The following ACYP2 variants were observed in gnomAD, a reference collection of about 807,000 sequenced individuals.
ACYP2 encodes acylphosphatase-2.
In ACYP2, 12 loss-of-function variants were observed where a neutral mutation model predicts 11.2. The ratio of observed to expected loss-of-function variants is 1.08; its 90% confidence interval spans 0.69 to 1.74. The LOEUF (loss-of-function observed/expected upper bound fraction) is 1.74. ACYP2 is among the 40% of genes most tolerant of loss of function. The pLI, the probability that ACYP2 is intolerant of heterozygous loss-of-function variation, is 0.00. For missense variants in ACYP2, 134 were observed against 101.9 expected, an observed-to-expected ratio of 1.31 and a Z score of -1.35; for synonymous variants, 43 against 32.2, an observed-to-expected ratio of 1.33 and a Z score of -1.13.
intron 6 of ACYP2, among the ~76,000 whole-genome samples, chr2:54,183,528 T>C (rs1430214620): frequency 2.7e-5 from 4 of 150,794 alleles, no homozygotes; most frequent in African/African-American, 9.8e-5. Context: ...CGAGACCCGG[T>C]CTCAAAAAAA....
intron 4 of ACYP2, among the ~76,000 whole-genome samples, chr2:54,090,740 C>T (rs1477967227): frequency 1.3e-5 from 2 of 152,196 alleles, no homozygotes. Flanking sequence ...TTTCTCTTTG[C>T]CTTTTGCCCT....
At chr2:54,104,274 G>T (rs1679044172) in intron 4 of ACYP2, among the ~76,000 whole-genome samples, 1 of 152,188 alleles carries the variant, frequency 6.6e-6, no homozygotes, top group East Asian at 1.9e-4. Context: ...GATAGGATGA[G>T]AAAAGAAAGT....
rs1377737721 is a variant in ACYP2, at chr2:54,076,253, CG to C, written c.277+18898del. On this transcript the variant is annotated intron_variant, in intron 4 of 6. Transcript: ENST00000607452. Reference sequence around the variant, plus strand: ...AAAGGTACTGGGCTTGAGAAAATGGCGGGGGAAGTCCAAAGAGAACTTCAAA... The same window carrying C: ...AAAGGTACTGGGCTTGAGAAAATGGCGGGGAAGTCCAAAGAGAACTTCAAA... Among the ~76,000 whole-genome samples the C allele has an allele frequency of 5.9e-5, 9 of 152,196 alleles. No individual in the cohort carries two copies. The South Asian group carries it at 1.5e-3, about 25-fold the overall frequency.
chr2:53,987,861 T>A lies in ACYP2; in HGVS notation c.62+14051T>A, dbSNP rs538335742. On this transcript the variant is annotated intron_variant, in intron 2 of 6. Transcript: ENST00000607452. The stretch of plus-strand genomic sequence containing the variant: ...TGGGTTTTTTTGTTTGTTTTTTGGT[T>A]TTTGGATTGCTTGGTTTTTAACTGT... 2.0e-5 allele frequency among the ~76,000 whole-genome samples: 3 copies of A among 152,268 alleles called. No homozygotes were observed. In the South Asian group the frequency reaches 6.2e-4, roughly 32 times the overall value.
At chr2:54,147,509 T>G (rs193007306) in intron 6 of ACYP2, among the ~76,000 whole-genome samples, 4 of 152,062 alleles carry the variant, frequency 2.6e-5, no homozygotes, top group Non-Finnish European at 1.5e-5. Context: ...TAGTTACTCC[T>G]TCTCCACTTG....
chr2:54,089,729 G>A (rs1046776767), intron 4 of ACYP2, among the ~76,000 whole-genome samples: 1 of 150,184 alleles, frequency 6.7e-6, no homozygotes, highest in Non-Finnish European at 1.5e-5. Context: ...AACAGAGTGA[G>A]ACGCGGTCCC....
intron 6 of ACYP2, among the ~76,000 whole-genome samples, chr2:54,220,908 A>T (rs1685772427): frequency 6.6e-6 from 1 of 152,244 alleles, no homozygotes; most frequent in Non-Finnish European, 1.5e-5. Context: ...TCTCCTAATC[A>T]GTTAAAATTT....
At chr2:54,262,921 G>A (rs929079608) in intron 6 of ACYP2, among the ~76,000 whole-genome samples, 1 of 152,106 alleles carries the variant, frequency 6.6e-6, no homozygotes, top group African/African-American at 2.4e-5. Context: ...ATTTATGTAT[G>A]TGATAGAAGG....
chr2:54,133,132 C>A (rs2103770495), intron 4 of ACYP2, among the ~76,000 whole-genome samples: 1 of 152,274 alleles, frequency 6.6e-6, no homozygotes, highest in African/African-American at 2.4e-5. Flanking sequence ...GTTCTTCACC[C>A]CCCATTGTAG....
chr2:54,166,316 G>A (rs1022480115), intron 6 of ACYP2, among the ~76,000 whole-genome samples: 1 of 152,194 alleles, frequency 6.6e-6, no homozygotes, highest in Non-Finnish European at 1.5e-5. Context: ...GTCAGGCAGA[G>A]TGTTGGGAAC....
intron 6 of ACYP2, chr2:54,254,245 T>A (rs186455695): frequency 1.8e-4 from 27 of 152,396 alleles, no homozygotes; most frequent in Admixed American, 1.6e-3. Flanking sequence ...ACAGGTCTTT[T>A]GTGTGCTGAC....
At chr2:54,301,267 C>T (rs1446385560) in intron 6 of ACYP2, among the ~76,000 whole-genome samples, 1 of 152,090 alleles carries the variant, frequency 6.6e-6, no homozygotes, top group South Asian at 2.1e-4. Context: ...TTGGCATTTC[C>T]CATTCTAAGA....
At chr2:54,237,620 G>A (rs563954891) in intron 6 of ACYP2, among the ~76,000 whole-genome samples, 1 of 152,144 alleles carries the variant, frequency 6.6e-6, no homozygotes, top group Non-Finnish European at 1.5e-5. Flanking sequence ...CAAGAAGTCA[G>A]CTGTCAGTCT....
chr2:54,167,953 A>T (rs1683064792), intron 6 of ACYP2, among the ~76,000 whole-genome samples: 1 of 152,206 alleles, frequency 6.6e-6, no homozygotes, highest in African/African-American at 2.4e-5. Context: ...AGAAGTCTTC[A>T]TCCTGTTCTT....
intron 4 of ACYP2, among the ~76,000 whole-genome samples, chr2:54,125,383 C>G (rs568814197): frequency 6.6e-6 from 1 of 152,228 alleles, no homozygotes; most frequent in African/African-American, 2.4e-5. Context: ...CTAAAATCCC[C>G]CAAATCACAG....
At chr2:54,065,746 T>A (rs748483421) in intron 4 of ACYP2, 2 of 375,258 alleles carry the variant, frequency 5.3e-6, no homozygotes, top group Non-Finnish European at 9.4e-6. Flanking sequence ...ATCTCATTCA[T>A]GAGGAAACTC....
chr2:54,177,901 CTTTATTTT>C (rs1362161293), intron 6 of ACYP2, among the ~76,000 whole-genome samples: 2,307 of 124,044 alleles, frequency 0.019, 72 homozygotes, highest in African/African-American at 0.082. Context: ...TTCTTTCTTT[CTTTATTTT>C]TTTTTTTTTT....
intron 6 of ACYP2, among the ~76,000 whole-genome samples, chr2:54,138,987 T>C (rs1198607151): frequency 6.6e-6 from 1 of 152,196 alleles, no homozygotes. Flanking sequence ...CATTGGACAG[T>C]AAGAATAGTA....
chr2:53,983,091 G>T (rs1247415971), intron 2 of ACYP2, among the ~76,000 whole-genome samples: 1 of 152,098 alleles, frequency 6.6e-6, no homozygotes, highest in Non-Finnish European at 1.5e-5. Flanking sequence ...GATAAATGTT[G>T]TTCTGGTTAT....
Sources: allele counts gnomAD v4.1 joint callset (sites outside exome capture counted in the v4.1 genomes callset), GRCh38; gene constraint gnomAD v4.1.1; transcripts MANE v1.5; gene names NCBI Gene and HGNC (gene_info 2026-07-23, HGNC 2026-07-21).